COPS6: variants seen among roughly 807,000 people sequenced by gnomAD.
The protein encoded by COPS6 is COP9 signalosome complex subunit 6.
COPS6 carries 9 observed loss-of-function variants against 41.0 expected under a neutral mutation model. The observed-to-expected ratio is 0.22, with a 90% confidence interval of 0.13 to 0.38. The LOEUF is 0.38. Ranked by LOEUF, COPS6 falls within the 10% of genes least tolerant of loss-of-function variation. The probability of loss-of-function intolerance (pLI) is 1.00; values close to 1 mark genes in which losing one functional copy is unlikely to be tolerated. For missense variants in COPS6, 302 were observed against 436.7 expected (o/e 0.69, Z 2.75); for synonymous variants, 179 against 162.9 (o/e 1.10, Z -0.75).
chr7:100,091,238 T>C lies in COPS6; in HGVS notation c.650T>C (p.Val217Ala), dbSNP rs201466188. The change falls in exon 8 of 10, where the codon GTG becomes GCG. Residue 217 changes from valine (V) to alanine (A), a missense_variant and splice_region_variant. Val to Ala is a moderately conservative substitution (Grantham distance 64, BLOSUM62 0). Coordinates refer to ENST00000303904, the MANE Select transcript of COPS6 (RefSeq NM_006833.5). This position sits in a 1 kb window ranked among gnomAD's most constrained non-coding sequence, Gnocchi z 4.1. ...TATGSGENST[V>A]AEHLIAQHSA... is the part of the protein sequence containing the mutation. ...TCCTCCTGTCCTCATCCCCTTGCAG[T>C]GGCTGAACACCTGATAGCACAGCAC... The C allele has an allele frequency of 6.2e-7, 1 of 1,614,192 alleles. No homozygotes were observed. The highest frequency in any genetic ancestry group is 2.2e-5 in the East Asian group (1 of 44,880).
rs1362056732 is a variant in COPS6, at chr7:100,092,110, C to T, written c.*321C>T. The T allele has an allele frequency of 8.9e-6, 3 of 336,672 alleles. No individual in the cohort carries two copies. The highest frequency in any genetic ancestry group is 4.4e-5 in the Admixed American group (1 of 22,564). 20.9% of individuals were successfully genotyped at this position (336,672 alleles called of 1,614,324 possible). On this transcript the variant is annotated 3_prime_UTR_variant, in exon 10 of 10. Coordinates refer to ENST00000303904, the MANE Select transcript of COPS6 (RefSeq NM_006833.5). Reference sequence around the variant, plus strand: ...CTGCCTGCTTCCACCTAAGTGGTCTCTGTTCTACACTTTAATGTCACCCTC... The same window carrying T: ...CTGCCTGCTTCCACCTAAGTGGTCTTTGTTCTACACTTTAATGTCACCCTC...
rs1441004236 is a variant in COPS6, at chr7:100,090,589, C to T, written c.424-3C>T. On this transcript the variant is annotated splice_region_variant and splice_polypyrimidine_tract_variant and intron_variant, in intron 4 of 9. Transcript: ENST00000303904. The stretch of plus-strand genomic sequence containing the variant: ...CTTCCTGTGCATTGTCCCTCTCTTC[C>T]AGGTGTGTGAGATCATCGAGAGCCC... 1 of 1,613,934 alleles carries T rather than the reference C, an allele frequency of 6.2e-7. No homozygotes were observed. Among genetic ancestry groups the T allele is most frequent in the East Asian group, 2.2e-5 (1 of 44,892 alleles).
In COPS6 at chr7:100,091,586, CT is replaced by C; in HGVS notation, c.844-62del. On this transcript the variant is annotated intron_variant, in intron 9 of 9. Transcript: ENST00000303904. The surrounding 1 kb of genome is among the most constrained non-coding windows in gnomAD (Gnocchi z 4.1). The stretch of plus-strand genomic sequence containing the variant: ...TCACTTTCACGTGCAGGACTGGGGA[CT>C]GTTGTTCCCCGGGCATGCCACGAGG... The C allele has an allele frequency of 6.2e-7, 1 of 1,613,556 alleles. No homozygotes were observed. Among genetic ancestry groups the C allele is most frequent in the Non-Finnish European group, 8.5e-7 (1 of 1,179,510 alleles).
chr7:100,089,077 G>T lies in COPS6; in HGVS notation c.76+11G>T. 1 of 1,418,902 alleles carries T rather than the reference G, an allele frequency of 7.0e-7. No individual in the cohort carries two copies. The highest frequency in any genetic ancestry group is 9.2e-7 in the Non-Finnish European group (1 of 1,085,632). The allele number at this position is 1,418,902 out of a possible 1,614,324, so 87.9% of individuals were successfully genotyped here. Reference sequence around the variant, plus strand: ...AGGTGGATGCAGCAGGTAACGGGCCGTGCGGGGGTGGCTTCCGGAGACCTC... The same window carrying T: ...AGGTGGATGCAGCAGGTAACGGGCCTTGCGGGGGTGGCTTCCGGAGACCTC... On this transcript the variant is annotated intron_variant, in intron 1 of 9. Coordinates refer to ENST00000303904, the MANE Select transcript of COPS6 (RefSeq NM_006833.5).
rs574068792 is a variant in COPS6, at chr7:100,091,869, C to T, written c.*80C>T. 99 of 1,575,890 alleles carry T rather than the reference C, an allele frequency of 6.3e-5. No homozygotes were observed. In the South Asian group the frequency reaches 9.6e-4, roughly 15 times the overall value. ...GGGCACTACACTTCCTTGAGAGAAA[C>T]CGCTGTCATTAATAAAAGGGGAGCA... On this transcript the variant is annotated 3_prime_UTR_variant, in exon 10 of 10. Coordinates refer to ENST00000303904, the MANE Select transcript of COPS6 (RefSeq NM_006833.5). The surrounding 1 kb of genome is among the most constrained non-coding windows in gnomAD (Gnocchi z 4.1).
At chr7:100,089,947 A>G (rs1795287435) in intron 3 of COPS6, 2 of 547,438 alleles carry the variant, frequency 3.7e-6, no homozygotes, top group Admixed American at 3.4e-5. Flanking sequence ...GAGAGGAGAC[A>G]GGATAGAAGG....
chr7:100,091,417 T>C lies in COPS6; in HGVS notation c.743-3T>C. ...CTAATGTAGTCTCTTTTTGTGCCTTTAGGAGAGGTCCCCTTTAATCATGAG... is the reference window on the plus strand; with the variant it reads ...CTAATGTAGTCTCTTTTTGTGCCTTCAGGAGAGGTCCCCTTTAATCATGAG... On this transcript the variant is annotated splice_region_variant and splice_polypyrimidine_tract_variant and intron_variant, in intron 8 of 9. Coordinates refer to ENST00000303904, the MANE Select transcript of COPS6 (RefSeq NM_006833.5). This position sits in a 1 kb window ranked among gnomAD's most constrained non-coding sequence, Gnocchi z 4.1. 2.5e-6 allele frequency: 4 copies of C among 1,614,030 alleles called. No homozygotes were observed. Among genetic ancestry groups the C allele is most frequent in the Non-Finnish European group, 3.4e-6 (4 of 1,179,864 alleles).
chr7:100,091,587 T>A lies in COPS6; in HGVS notation c.844-62T>A. 1 of 1,613,636 alleles carries A rather than the reference T, an allele frequency of 6.2e-7. No homozygotes were observed. The highest frequency in any genetic ancestry group is 8.5e-7 in the Non-Finnish European group (1 of 1,179,558). On this transcript the variant is annotated intron_variant, in intron 9 of 9. Transcript: ENST00000303904. The surrounding 1 kb of genome is among the most constrained non-coding windows in gnomAD (Gnocchi z 4.1). ...CACTTTCACGTGCAGGACTGGGGAC[T>A]GTTGTTCCCCGGGCATGCCACGAGG... is the stretch of plus-strand genomic sequence containing the variant.
chr7:100,089,766 G>A lies in COPS6; in HGVS notation c.334+20G>A. The A allele has an allele frequency of 6.2e-7, 1 of 1,611,560 alleles. No homozygotes were observed. Among genetic ancestry groups the A allele is most frequent in the South Asian group, 1.1e-5 (1 of 90,660 alleles). Reference sequence around the variant, plus strand: ...AGCAGTGTGAGAGTGGAATAGATGTGGGGAAGAGGAGTGGGAGTTAAAAAA... The same window carrying A: ...AGCAGTGTGAGAGTGGAATAGATGTAGGGAAGAGGAGTGGGAGTTAAAAAA... On this transcript the variant is annotated intron_variant, in intron 3 of 9. Coordinates refer to ENST00000303904, the MANE Select transcript of COPS6 (RefSeq NM_006833.5).
chr7:100,092,004 A>G lies in COPS6; in HGVS notation c.*215A>G, dbSNP rs1358786022. 3.4e-6 allele frequency: 2 copies of G among 595,596 alleles called. No homozygotes were observed. Among genetic ancestry groups the G allele is most frequent in the Admixed American group, 3.0e-5 (1 of 32,986 alleles). The allele number at this position is 595,596 out of a possible 1,614,324, so 36.9% of individuals were successfully genotyped here. A position where few individuals can be genotyped will look rare whatever the true frequency, so the allele number is the denominator to read the frequency against. The stretch of plus-strand genomic sequence containing the variant: ...CTGGCCTTGCTCAGAAGCCCTTCTG[A>G]TGCTCTTCAGTGAGGGAGGCACTAC... On this transcript the variant is annotated 3_prime_UTR_variant, in exon 10 of 10. Coordinates refer to ENST00000303904, the MANE Select transcript of COPS6 (RefSeq NM_006833.5).
chr7:100,090,200 T>C (rs925972603), intron 3 of COPS6, 199 bp from the exon 4 acceptor site: 3 of 572,532 alleles, frequency 5.2e-6, no homozygotes, highest in African/African-American at 3.8e-5. Context: ...ATACAAAAAT[T>C]AGTCTGGCAT....
intron 1 of COPS6, 79 bp from the exon 2 acceptor site, chr7:100,089,211 C>T (rs1374121694): frequency 6.5e-7 from 1 of 1,541,484 alleles, no homozygotes; most frequent in Admixed American, 2.1e-5. Flanking sequence ...GGCCCGGGCT[C>T]CGCCGTCCCC....
chr7:100,090,615 C>T lies in COPS6; in HGVS notation c.447C>T (p.Pro149=), dbSNP rs11550651. The change falls in exon 5 of 10, where the codon CCC becomes CCT. Residue 149 remains proline, a synonymous_variant. Transcript: ENST00000303904. Reference sequence around the variant, plus strand: ...AGGTGTGTGAGATCATCGAGAGCCCCCTCTTTCTGAAGTTGAACCCTATGA... The same window carrying T: ...AGGTGTGTGAGATCATCGAGAGCCCTCTCTTTCTGAAGTTGAACCCTATGA... ...HKQVCEIIES[P]LFLKLNPMTK... The T allele has an allele frequency of 1.2e-6, 2 of 1,614,020 alleles. No homozygotes were observed. The highest frequency in any genetic ancestry group is 2.7e-5 in the African/African-American group (2 of 74,892).
Position 100,089,174 on chromosome 7 carries a change from C to G in COPS6, c.76+108C>G, listed in dbSNP as rs1236793296. The G allele has an allele frequency of 2.6e-6, 4 of 1,516,022 alleles. No individual in the cohort carries two copies. The South Asian group carries it at 5.3e-5, about 20-fold the overall frequency. 93.9% of individuals were successfully genotyped at this position (1,516,022 alleles called of 1,614,324 possible). A position where few individuals can be genotyped will look rare whatever the true frequency, so the allele number is the denominator to read the frequency against. ...GAGGGCGGAGCAGCAACATCTTTCC[C>G]TGGGATAAGTTACGGGAGGAAAGTG... is the stretch of plus-strand genomic sequence containing the variant. On this transcript the variant is annotated intron_variant, in intron 1 of 9. Transcript: ENST00000303904.
Position 100,091,864 on chromosome 7 carries a change from A to T in COPS6, c.*75A>T. 1 of 1,587,932 alleles carries T rather than the reference A, an allele frequency of 6.3e-7. No homozygotes were observed. Among genetic ancestry groups the T allele is most frequent in the Non-Finnish European group, 8.6e-7 (1 of 1,160,434 alleles). ...GGGGAGGGCACTACACTTCCTTGAG[A>T]GAAACCGCTGTCATTAATAAAAGGG... On this transcript the variant is annotated 3_prime_UTR_variant, in exon 10 of 10. Transcript: ENST00000303904. The surrounding 1 kb of genome is among the most constrained non-coding windows in gnomAD (Gnocchi z 4.1).
rs769345155 is a variant in COPS6 at position 100,090,956 on chromosome 7, C to A, written c.534+7C>A. On this transcript the variant is annotated splice_region_variant and intron_variant, in intron 6 of 9. Coordinates refer to ENST00000303904, the MANE Select transcript of COPS6 (RefSeq NM_006833.5). ...TGATATAATCAATGGAGAGGTAATACCCTACCCTTCAACCCTCAGATCCTG... is the reference window on the plus strand; with the variant it reads ...TGATATAATCAATGGAGAGGTAATAACCTACCCTTCAACCCTCAGATCCTG... The A allele has an allele frequency of 6.2e-7, 1 of 1,614,058 alleles. No individual in the cohort carries two copies. The highest frequency in any genetic ancestry group is 8.5e-7 in the Non-Finnish European group (1 of 1,179,912).
At chr7:100,089,240 A>G (rs1795277322) in intron 1 of COPS6, 50 bp from the exon 2 acceptor site, 2 of 1,581,828 alleles carry the variant, frequency 1.3e-6, no homozygotes, top group South Asian at 1.1e-5. Context: ...TCTCCAGGGA[A>G]GAACGTGGGG....
rs61648592 is a variant in COPS6 at position 100,091,548 on chromosome 7, G to A, written c.843+28G>A. On this transcript the variant is annotated intron_variant, in intron 9 of 9. Transcript: ENST00000303904. The surrounding 1 kb of genome is among the most constrained non-coding windows in gnomAD (Gnocchi z 4.1). ...GAGTGTAAAACCCGGATGGGGAGGC[G>A]GGGCTTATGCTGTCACTTTCACGTG... The A allele has an allele frequency of 7.3e-4, 1,174 of 1,613,624 alleles. 11 individuals carry two copies. The African/African-American group carries it at 0.014, about 19-fold the overall frequency.
intron 3 of COPS6, 71 bp from the exon 4 acceptor site, chr7:100,090,328 A>G (rs2116536371): frequency 5.1e-6 from 6 of 1,181,300 alleles, no homozygotes; most frequent in Middle Eastern, 2.7e-4. Context: ...AGCCTGGGCA[A>G]CAGAGCGAGA....
Sources: allele counts gnomAD v4.1 joint callset, GRCh38; gene constraint gnomAD v4.1.1; non-coding constraint Gnocchi (gnomAD v3.1); transcripts MANE v1.5; gene names NCBI Gene and HGNC (gene_info 2026-07-23, HGNC 2026-07-21).